PCDH7: variants seen among roughly 807,000 people sequenced by gnomAD.
The protein encoded by PCDH7 is protocadherin-7.
Under a neutral mutation model 58.9 loss-of-function variants are expected in PCDH7, and 17 were observed. The observed-to-expected ratio is 0.29, with a 90% CI of 0.20 to 0.43. PCDH7 has a LOEUF of 0.43. Among genes scored for constraint, PCDH7 ranks in the 20% least tolerant of loss-of-function variants. PCDH7 has a pLI of 1.00. For synonymous variants in PCDH7, 664 were observed against 616.4 expected (o/e 1.08, Z -1.14); for missense variants, 1,274 against 1,441.0 (o/e 0.88, Z 1.88).
chr4:30,929,806 A>G (rs1170383399), intron 2 of PCDH7, among the ~76,000 whole-genome samples: 1 of 152,184 alleles, frequency 6.6e-6, no homozygotes, highest in Non-Finnish European at 1.5e-5. Context: ...TGCATTCCTC[A>G]GAACCCCAGT....
At chr4:31,063,280 A>G (rs1292573954) in intron 3 of PCDH7, among the ~76,000 whole-genome samples, 1 of 151,890 alleles carries the variant, frequency 6.6e-6, no homozygotes, top group African/African-American at 2.4e-5. Context: ...TCAGAAGATA[A>G]CATAACTTTA....
At chr4:30,845,835 C>A (rs1004176116) in intron 1 of PCDH7, among the ~76,000 whole-genome samples, 1 of 152,114 alleles carries the variant, frequency 6.6e-6, no homozygotes, top group Non-Finnish European at 1.5e-5. Flanking sequence ...TCAAGTGATC[C>A]TCCTGCAGCT....
chr4:30,890,386 TA>T (rs1425954385), intron 1 of PCDH7, among the ~76,000 whole-genome samples: 1 of 150,738 alleles, frequency 6.6e-6, no homozygotes, highest in Non-Finnish European at 1.5e-5. Context: ...ATTGCATGCT[TA>T]ACATAAATAC....
chr4:30,896,195 G>A (rs561013447), intron 1 of PCDH7, among the ~76,000 whole-genome samples: 15 of 152,202 alleles, frequency 9.9e-5, no homozygotes, highest in African/African-American at 3.6e-4. Flanking sequence ...CGTAAATTTG[G>A]TGTGTCTAGA....
chr4:30,934,254 C>A (rs1322817511), intron 2 of PCDH7, among the ~76,000 whole-genome samples: 1 of 149,594 alleles, frequency 6.7e-6, no homozygotes, highest in Non-Finnish European at 1.5e-5. Flanking sequence ...TTATCTATGT[C>A]CCCGGGATCA....
At chr4:31,138,231 C>T (rs773286378) in intron 3 of PCDH7, among the ~76,000 whole-genome samples, 21 of 152,076 alleles carry the variant, frequency 1.4e-4, no homozygotes, top group Non-Finnish European at 2.1e-4. Flanking sequence ...ATCTACCCTG[C>T]CTAGTAAAAA....
intron 3 of PCDH7, among the ~76,000 whole-genome samples, chr4:30,996,522 CTT>C (rs1292273099): frequency 1.3e-5 from 2 of 152,094 alleles, no homozygotes; most frequent in Non-Finnish European, 2.9e-5. Context: ...CTCCGAGAGA[CTT>C]TGTTGGTTTA....
At chr4:31,079,008 T>C (rs1759245996) in intron 3 of PCDH7, among the ~76,000 whole-genome samples, 1 of 151,632 alleles carries the variant, frequency 6.6e-6, no homozygotes, top group Non-Finnish European at 1.5e-5. Flanking sequence ...GATAATTGGG[T>C]GTAGGAAGAG....
intron 3 of PCDH7, among the ~76,000 whole-genome samples, chr4:31,126,249 G>A (rs1718288249): frequency 6.6e-6 from 1 of 151,296 alleles, no homozygotes; most frequent in Admixed American, 6.6e-5. Flanking sequence ...CCTGCTGCCT[G>A]GGTTCAAGAG....
chr4:30,752,783 C>CAAAAAAAAAAAAAAAAAAAAAAAAAAAA (rs35860745), intron 1 of PCDH7, among the ~76,000 whole-genome samples: 1 of 99,556 alleles, frequency 1.0e-5, no homozygotes, highest in African/African-American at 3.8e-5. Flanking sequence ...CCTGTAGGGG[C>CAAAAAAAAAAAAAAAAAAAAAAAAAAAA]AAAAAAAAAA....
intron 1 of PCDH7, among the ~76,000 whole-genome samples, chr4:30,895,559 C>T (rs1194462780): frequency 2.6e-5 from 4 of 152,110 alleles, no homozygotes; most frequent in Non-Finnish European, 5.9e-5. Context: ...TTCTTGCTAC[C>T]ACCAGTGCAT....
At chr4:30,899,533 G>C (rs919163055) in intron 1 of PCDH7, among the ~76,000 whole-genome samples, 1 of 152,132 alleles carries the variant, frequency 6.6e-6, no homozygotes, top group Admixed American at 6.5e-5. Context: ...TCTGCTGCTG[G>C]TTTCATTTAA....
chr4:31,107,187 T>C lies in PCDH7; in HGVS notation c.*8-35286T>C, dbSNP rs1263632539. Among the ~76,000 whole-genome samples, 3 of 151,782 alleles carry C rather than the reference T, an allele frequency of 2.0e-5. No homozygotes were observed. The East Asian group carries it at 5.8e-4, about 29-fold the overall frequency. ...ATATCTGATAAAATTACCCACGAAA[T>C]TTTTTTATAACTAAGTACTATGATA... On this transcript the variant is annotated intron_variant, in intron 3 of 3. Transcript: ENST00000509759.
chr4:31,106,025 T>TAG (rs1189916246), intron 3 of PCDH7, among the ~76,000 whole-genome samples: 1 of 148,954 alleles, frequency 6.7e-6, no homozygotes, highest in African/African-American at 2.5e-5. Context: ...AAAAAAAAAA[T>TAG]ATATATATAT....
chr4:31,128,786 A>G (rs1718623658), intron 3 of PCDH7, among the ~76,000 whole-genome samples: 1 of 152,172 alleles, frequency 6.6e-6, no homozygotes, highest in Non-Finnish European at 1.5e-5. Context: ...ATTTTGTGTT[A>G]TAAAACACTT....
downstream of PCDH7, among the ~76,000 whole-genome samples, chr4:30,737,186 A>C (rs1406813905): frequency 4.6e-5 from 7 of 152,138 alleles, no homozygotes; most frequent in Non-Finnish European, 8.8e-5. Context: ...CTGTCACTTT[A>C]GATTATAACT....
At chr4:30,920,001 A>G (rs1261587265) in intron 1 of PCDH7, 152 bp from the exon 2 acceptor site, 1 of 430,618 alleles carries the variant, frequency 2.3e-6, no homozygotes, top group East Asian at 7.3e-5. Flanking sequence ...CTTAGATAAT[A>G]CATAGTTAAC....
At chr4:31,039,442 G>C (rs1755670750) in intron 3 of PCDH7, among the ~76,000 whole-genome samples, 1 of 152,160 alleles carries the variant, frequency 6.6e-6, no homozygotes, top group Admixed American at 6.6e-5. Context: ...CTGGAGTGCA[G>C]TGGCTGTTCA....
intron 3 of PCDH7, among the ~76,000 whole-genome samples, chr4:31,120,312 C>T (rs1023781301): frequency 6.6e-6 from 1 of 150,940 alleles, no homozygotes; most frequent in South Asian, 2.1e-4. Context: ...TTTTTTCCTC[C>T]CTTCCTTCTT....
Sources: gnomAD v4.1 joint callset for allele counts (sites outside exome capture counted in the v4.1 genomes callset) on GRCh38, gnomAD v4.1.1 for gene constraint, MANE v1.5 for transcripts, NCBI Gene and HGNC (gene_info 2026-07-23, HGNC 2026-07-21) for gene names.